The following MYBPHL variants were observed in gnomAD, a reference collection of about 807,000 sequenced individuals.
MYBPHL encodes myosin binding protein H like, also known as myosin-binding protein H-like.
In MYBPHL, 32 loss-of-function variants were observed where a neutral mutation model predicts 39.5. The observed-to-expected ratio is 0.81, with a 90% CI of 0.61 to 1.09. The LOEUF is 1.09. MYBPHL is among the 50% of genes least tolerant of loss of function. MYBPHL has a pLI of 0.00. For synonymous variants in MYBPHL, 196 were observed against 183.7 expected, an observed-to-expected ratio of 1.07 and a Z score of -0.54; for missense variants, 456 against 460.2, an observed-to-expected ratio of 0.99 and a Z score of 0.08.
At chr1:109,296,454 T>G in intron 5 of MYBPHL, 84 bp from the exon 6 acceptor site, 1 of 1,527,824 alleles carries the variant, frequency 6.5e-7, no homozygotes, top group South Asian at 1.2e-5. Flanking sequence ...TTTTTTTTTT[T>G]TTGAGGTGGA....
chr1:109,304,349 TCA>T (rs1194680714), intron 1 of MYBPHL, among the ~76,000 whole-genome samples: 2 of 152,104 alleles, frequency 1.3e-5, no homozygotes, highest in Admixed American at 6.5e-5. Flanking sequence ...GGCATGAGAT[TCA>T]GTTTCCCATG....
chr1:109,296,084 C>T, intron 6 of MYBPHL, 150 bp downstream of exon 6: 2 of 944,402 alleles, frequency 2.1e-6, no homozygotes, highest in Non-Finnish European at 3.1e-6. Flanking sequence ...AAGCACCCCC[C>T]CGACTGTTCC....
intron 8 of MYBPHL, among the ~76,000 whole-genome samples, chr1:109,293,209 C>T (rs1657926941): frequency 6.6e-6 from 1 of 152,164 alleles, no homozygotes; most frequent in African/African-American, 2.4e-5. Flanking sequence ...TGCTGTGACT[C>T]TTGTGGGTTC....
chr1:109,297,313 A>G, intron 3 of MYBPHL, 109 bp downstream of exon 3: 1 of 1,561,450 alleles, frequency 6.4e-7, no homozygotes, highest in Non-Finnish European at 8.7e-7. Flanking sequence ...TGTCCCAGAC[A>G]TGACGTGGGA....
chr1:109,300,230 G>A (rs755648546), intron 1 of MYBPHL, among the ~76,000 whole-genome samples: 5 of 152,192 alleles, frequency 3.3e-5, no homozygotes, highest in African/African-American at 1.2e-4. Context: ...TAGCTGTGAC[G>A]ACGTGCCTGG....
At chr1:109,300,806 C>T (rs1658250313) in intron 1 of MYBPHL, among the ~76,000 whole-genome samples, 1 of 152,160 alleles carries the variant, frequency 6.6e-6, no homozygotes, top group Admixed American at 6.5e-5. Flanking sequence ...GTCTCTCCCT[C>T]CCTGGACGGC....
intron 1 of MYBPHL, among the ~76,000 whole-genome samples, chr1:109,305,435 T>A (rs1658432531): frequency 1.3e-5 from 2 of 152,288 alleles, no homozygotes; most frequent in South Asian, 2.1e-4. Flanking sequence ...ACGAGAGGCT[T>A]TGGGCTGCAT....
Position 109,295,224 on chromosome 1 carries a change from C to T in MYBPHL, c.941G>A (p.Gly314Glu). 1 of 1,614,130 alleles carries T rather than the reference C, an allele frequency of 6.2e-7. No homozygotes were observed. The highest frequency in any genetic ancestry group is 8.5e-7 in the Non-Finnish European group (1 of 1,180,006). ...CTTGCGGATCTCTAGGGAGCAGATT[C>T]CCAGGTGAGTCAGGGCTCTGTACTT... ...NPKYRALTHL[G>E]ICSLEIRKPG... The change falls in exon 7 of 9, where the codon GGA (glycine) becomes GAA (glutamate). Residue 314 changes from glycine to glutamate, a missense_variant. Physicochemically the swap from Gly to Glu is moderately conservative, Grantham distance 98. Coordinates refer to ENST00000357155, the MANE Select transcript of MYBPHL (RefSeq NM_001010985.3).
chr1:109,296,732 C>T lies in MYBPHL; in HGVS notation c.730+51G>A. ...GGAATTAGAGGCGTGAGCCACTGTG[C>T]CCGGCCTATCCTTAAGTCTTCCCAG... On this transcript the variant is annotated intron_variant, in intron 5 of 8. Transcript: ENST00000357155. 1.9e-6 allele frequency: 3 copies of T among 1,607,656 alleles called. No individual in the cohort carries two copies. The South Asian group carries it at 3.3e-5, about 18-fold the overall frequency.
intron 2 of MYBPHL, among the ~76,000 whole-genome samples, chr1:109,297,938 T>C (rs554112556): frequency 4.1e-4 from 62 of 152,230 alleles, no homozygotes; most frequent in Non-Finnish European, 7.5e-4. Context: ...TTCTGTAGAC[T>C]GAAGGGCATG....
At chr1:109,300,100 G>C (rs60130010) in intron 1 of MYBPHL, among the ~76,000 whole-genome samples, 5,731 of 152,278 alleles carry the variant, frequency 0.038, 375 homozygotes, top group African/African-American at 0.13. Context: ...TGGCTCTGCT[G>C]TCCCTGTGCC....
chr1:109,303,976 T>C (rs1351086351), intron 1 of MYBPHL, among the ~76,000 whole-genome samples: 1 of 152,186 alleles, frequency 6.6e-6, no homozygotes, highest in East Asian at 1.9e-4. Context: ...CTTTCTCACA[T>C]CCTTTAAGTT....
chr1:109,300,620 T>C (rs1658244384), intron 1 of MYBPHL, among the ~76,000 whole-genome samples: 1 of 152,224 alleles, frequency 6.6e-6, no homozygotes, highest in Non-Finnish European at 1.5e-5. Flanking sequence ...TTCTTACACC[T>C]GAACTAAAGA....
In MYBPHL at chr1:109,295,190, G is replaced by A; in HGVS notation, c.975C>T (p.Pro325=). ...TGCAGGTATAGATGCCTCCATCAAA[G>A]GGACCCGGCTTGCGGATCTCTAGGG... ...ICSLEIRKPG[P]FDGGIYTCKA... is the part of the protein sequence containing the mutation. Residue 325 remains proline (P), a synonymous_variant, in exon 7 of 9, where the codon CCC becomes CCT. Transcript: ENST00000357155. The A allele has an allele frequency of 6.2e-7, 1 of 1,614,124 alleles. No individual in the cohort carries two copies. The highest frequency in any genetic ancestry group is 8.5e-7 in the Non-Finnish European group (1 of 1,180,016).
intron 6 of MYBPHL, 144 bp downstream of exon 6, chr1:109,296,090 G>C: frequency 1.0e-6 from 1 of 1,002,336 alleles, no homozygotes; most frequent in East Asian, 2.5e-5. Context: ...CCCCCCGACT[G>C]TTCCTAAATA....
At chr1:109,293,754 A>AATAC (rs1657948506) in intron 8 of MYBPHL, among the ~76,000 whole-genome samples, 1 of 149,228 alleles carries the variant, frequency 6.7e-6, no homozygotes, top group South Asian at 2.1e-4. Flanking sequence ...TAAATAAATA[A>AATAC]ATAAATAAAT....
intron 1 of MYBPHL, among the ~76,000 whole-genome samples, chr1:109,305,125 G>C (rs995937227): frequency 7.2e-5 from 11 of 152,104 alleles, no homozygotes; most frequent in Admixed American, 5.2e-4. Context: ...AGGGGCAAGA[G>C]TCCACAGCTG....
intron 8 of MYBPHL, 149 bp downstream of exon 8, chr1:109,294,057 T>C: frequency 1.7e-6 from 1 of 595,088 alleles, no homozygotes; most frequent in East Asian, 2.8e-5. Flanking sequence ...GAGTAAGACA[T>C]CATTTCAAAA....
rs897841333 is a variant in MYBPHL at position 109,296,174 on chromosome 1, G to T, written c.867+60C>A. ...TACAGTGCTCTGCAACTCAGCTTAGGTTAGGACAGGCAGGAACAAGAAGCA... is the reference window on the plus strand; with the variant it reads ...TACAGTGCTCTGCAACTCAGCTTAGTTTAGGACAGGCAGGAACAAGAAGCA... On this transcript the variant is annotated intron_variant, in intron 6 of 8. Coordinates refer to ENST00000357155, the MANE Select transcript of MYBPHL (RefSeq NM_001010985.3). 6.1e-5 allele frequency: 97 copies of T among 1,594,430 alleles called. No homozygotes were observed. The African/African-American group carries it at 1.0e-3, about 17-fold the overall frequency.
Sources: gnomAD v4.1 joint callset for allele counts (sites outside exome capture counted in the v4.1 genomes callset) on GRCh38, gnomAD v4.1.1 for gene constraint, MANE v1.5 for transcripts, NCBI Gene and HGNC (gene_info 2026-07-23, HGNC 2026-07-21) for gene names.